PDE1C: variants seen among roughly 807,000 people sequenced by gnomAD.
PDE1C encodes dual specificity calcium/calmodulin-dependent 3',5'-cyclic nucleotide phosphodiesterase 1C.
In PDE1C, 62 loss-of-function variants were observed where a neutral mutation model predicts 93.1. That is an observed-to-expected ratio of 0.67 (90% CI 0.54 to 0.82). The LOEUF (loss-of-function observed/expected upper bound fraction) is 0.82, where lower values mean the gene tolerates loss of function less well. Among genes scored for constraint, PDE1C ranks in the 40% least tolerant of loss-of-function variants. The pLI, the probability that PDE1C is intolerant of heterozygous loss-of-function variation, is 0.00. For synonymous variants in PDE1C, 325 were observed against 310.1 expected (o/e 1.05, Z -0.50); for missense variants, 742 against 884.6 (o/e 0.84, Z 2.04).
chr7:31,727,907 G>C, the PDE1C span, among the ~76,000 whole-genome samples: 5 of 152,088 alleles, frequency 3.3e-5, no homozygotes, highest in Non-Finnish European at 7.4e-5. Flanking sequence ...AGCCGGGCGT[G>C]GTGGCATGCA....
chr7:32,315,814 G>T lies in PDE1C; in HGVS notation c.311-106275C>A, dbSNP rs148953885. On this transcript the variant is annotated intron_variant, in intron 1 of 1. Coordinates refer to the PDE1C transcript ENST00000672256. Reference sequence around the variant, plus strand: ...TGTTCGAGACCAGCCTAACCAACATGGAGAAACCCTGTCTCTACTAAAAAT... The same window carrying T: ...TGTTCGAGACCAGCCTAACCAACATTGAGAAACCCTGTCTCTACTAAAAAT... 4.1e-3 allele frequency among the ~76,000 whole-genome samples: 622 copies of T among 152,160 alleles called. 1 individual carries two copies. Among genetic ancestry groups the T allele is most frequent in the Non-Finnish European group, 6.8e-3 (463 of 67,998 alleles).
intron 2 of PDE1C, among the ~76,000 whole-genome samples, chr7:32,008,888 A>G (rs966279009): frequency 6.6e-6 from 1 of 151,666 alleles, no homozygotes; most frequent in Non-Finnish European, 1.5e-5. Context: ...ATCAATAGAT[A>G]TTAAAGGTCC....
At chr7:31,790,367 G>T in intron 16 of PDE1C, 1 of 871,240 alleles carries the variant, frequency 1.1e-6, no homozygotes. Flanking sequence ...AAAAAAAATG[G>T]GATAACCAAT....
At chr7:32,311,835 A>T (rs1275022047) in intron 1 of PDE1C, among the ~76,000 whole-genome samples, 3 of 152,232 alleles carry the variant, frequency 2.0e-5, no homozygotes, top group Non-Finnish European at 1.5e-5. Flanking sequence ...TTCCCTTTTA[A>T]AACTGGCACA....
intron 16 of PDE1C, among the ~76,000 whole-genome samples, chr7:31,802,827 T>G (rs536601839): frequency 2.0e-5 from 3 of 151,876 alleles, no homozygotes; most frequent in Non-Finnish European, 4.4e-5. Flanking sequence ...TCTCTGGCAG[T>G]TTTTAAATTT....
intron 1 of PDE1C, among the ~76,000 whole-genome samples, chr7:32,366,418 T>C (rs1784229911): frequency 6.6e-6 from 1 of 152,104 alleles, no homozygotes; most frequent in South Asian, 2.1e-4. Flanking sequence ...CTACGAGATT[T>C]ATGGAACACA....
intron 1 of PDE1C, among the ~76,000 whole-genome samples, chr7:32,326,370 A>G (rs1291605976): frequency 6.6e-6 from 1 of 152,216 alleles, no homozygotes; most frequent in African/African-American, 2.4e-5. Context: ...AACCAAGGGA[A>G]TCACATGGAA....
intron 3 of PDE1C, among the ~76,000 whole-genome samples, chr7:32,099,008 A>C (rs1471864589): frequency 2.6e-5 from 4 of 152,244 alleles, no homozygotes; most frequent in Non-Finnish European, 5.9e-5. Context: ...AGGTTAAAAT[A>C]GTAAATTCTA....
At chr7:31,669,100 T>C in the PDE1C span, among the ~76,000 whole-genome samples, 2 of 152,148 alleles carry the variant, frequency 1.3e-5, no homozygotes, top group African/African-American at 2.4e-5. Context: ...GTTTGTAAGA[T>C]AGTGACATGA....
chr7:32,144,058 G>C (rs1310388572), intron 3 of PDE1C, among the ~76,000 whole-genome samples: 2 of 152,168 alleles, frequency 1.3e-5, no homozygotes, highest in Non-Finnish European at 2.9e-5. Flanking sequence ...AAACACACAA[G>C]CATAAAGGGC....
intron 1 of PDE1C, among the ~76,000 whole-genome samples, chr7:32,051,930 C>T (rs544777023): frequency 1.6e-4 from 24 of 152,256 alleles, no homozygotes; most frequent in African/African-American, 4.8e-4. Context: ...TTACCAGGTT[C>T]ATGAGGTTCT....
chr7:32,188,312 G>A (rs1410736394), intron 2 of PDE1C, among the ~76,000 whole-genome samples: 3 of 152,004 alleles, frequency 2.0e-5, no homozygotes, highest in Admixed American at 2.0e-4. Flanking sequence ...CAGGCAAGCT[G>A]CCTTCAATTT....
intron 17 of PDE1C, among the ~76,000 whole-genome samples, chr7:31,756,032 G>C (rs186587026): frequency 1.3e-5 from 2 of 152,090 alleles, no homozygotes; most frequent in African/African-American, 4.8e-5. Context: ...TGGGTGTGGT[G>C]GTTGGTGCAA....
At chr7:31,801,992 G>T (rs539132129) in intron 16 of PDE1C, among the ~76,000 whole-genome samples, 2 of 151,342 alleles carry the variant, frequency 1.3e-5, no homozygotes, top group African/African-American at 2.4e-5. Flanking sequence ...TTGTATAAAG[G>T]CATAATATAT....
the PDE1C span, among the ~76,000 whole-genome samples, chr7:31,666,684 T>C: frequency 6.6e-6 from 1 of 152,134 alleles, no homozygotes; most frequent in Non-Finnish European, 1.5e-5. Flanking sequence ...GACAAATACA[T>C]TTAGTCATAT....
intron 1 of PDE1C, among the ~76,000 whole-genome samples, chr7:32,365,692 C>A (rs1175914847): frequency 6.6e-6 from 1 of 152,108 alleles, no homozygotes; most frequent in Non-Finnish European, 1.5e-5. Context: ...GTAGCCCCGA[C>A]CCCAGCCTCA....
chr7:32,319,666 G>A (rs378642), intron 1 of PDE1C, among the ~76,000 whole-genome samples: 91,150 of 151,974 alleles, frequency 0.6, 28,414 homozygotes, highest in Admixed American at 0.71. Flanking sequence ...CTCAGCTTAT[G>A]TAATCTGCTC....
intron 3 of PDE1C, among the ~76,000 whole-genome samples, chr7:32,084,596 T>G (rs915269471): frequency 1.3e-5 from 2 of 151,904 alleles, no homozygotes; most frequent in East Asian, 3.8e-4. Flanking sequence ...GCACACATAG[T>G]TGGAAGTAAA....
At chr7:31,728,492 C>G in the PDE1C span, among the ~76,000 whole-genome samples, 2 of 152,148 alleles carry the variant, frequency 1.3e-5, no homozygotes, top group African/African-American at 4.8e-5. Flanking sequence ...TTTGCCTATG[C>G]TGTTTTGGAA....
Sources: gnomAD v4.1 joint callset for allele counts (sites outside exome capture counted in the v4.1 genomes callset) on GRCh38, gnomAD v4.1.1 for gene constraint, MANE v1.5 for transcripts, NCBI Gene and HGNC (gene_info 2026-07-23, HGNC 2026-07-21) for gene names.